UBE2U: variants seen among roughly 807,000 people sequenced by gnomAD.
UBE2U encodes ubiquitin conjugating enzyme E2 U, also known as ubiquitin-conjugating enzyme E2 U.
A neutral mutation model predicts 41.2 loss-of-function variants in UBE2U; 39 were observed. That is an observed-to-expected ratio of 0.95 (90% CI 0.73 to 1.24). UBE2U has a LOEUF of 1.24. Among genes scored for constraint, UBE2U ranks in the 50% most tolerant of loss-of-function variants. The pLI, the probability that UBE2U is intolerant of heterozygous loss-of-function variation, is 0.00. For synonymous variants in UBE2U, 107 were observed against 117.8 expected, an observed-to-expected ratio of 0.91 and a Z score of 0.60; for missense variants, 336 against 363.1, an observed-to-expected ratio of 0.93 and a Z score of 0.61.
At position 64,241,669 on chromosome 1, in the gene UBE2U, T is replaced by C. The variant is rs764923140; in HGVS notation, c.613T>C (p.Phe205Leu). ...AATTTCAGTGCTCAAAGTTCCAAAT[T>C]TCATTGGACAGTATTACAAATGGAA... ...YRTPLLKVPN[F>L]IGQYYKWKKM... The change falls in exon 8 of 10, where the codon TTC becomes CTC. Residue 205 changes from phenylalanine (F) to leucine (L), a missense_variant. By Grantham distance (22) the Phe-to-Leu change is conservative. Coordinates refer to ENST00000371077, the MANE Select transcript of UBE2U (RefSeq NM_001366232.2). 2.5e-6 allele frequency: 4 copies of C among 1,606,200 alleles called. No homozygotes were observed. The East Asian group carries it at 6.7e-5, about 27-fold the overall frequency.
At chr1:64,211,949 G>A (rs1182101334) in intron 4 of UBE2U, among the ~76,000 whole-genome samples, 2 of 152,008 alleles carry the variant, frequency 1.3e-5, no homozygotes, top group Non-Finnish European at 2.9e-5. Flanking sequence ...GCATAATTGA[G>A]TTTTTAAATA....
At chr1:64,208,523 G>C (rs760211716) in intron 3 of UBE2U, among the ~76,000 whole-genome samples, 6 of 142,686 alleles carry the variant, frequency 4.2e-5, no homozygotes, top group Non-Finnish European at 7.6e-5. Flanking sequence ...AGGATTGCTT[G>C]AGCCCAGGAG....
At position 64,203,757 on chromosome 1, in the gene UBE2U, A is replaced by T. The variant is rs1651116032; in HGVS notation, c.-294A>T. On this transcript the variant is annotated 5_prime_UTR_variant, in exon 1 of 10. Transcript: ENST00000371077. ...CGACATGGGCTTGTCTCCGTTACTC[A>T]TCCAAGTTTGTCTTGAGACTGGGCT... The T allele has an allele frequency of 3.2e-6, 1 of 311,950 alleles. No individual in the cohort carries two copies. Among genetic ancestry groups the T allele is most frequent in the Non-Finnish European group, 5.9e-6 (1 of 170,382 alleles). The allele number at this position is 311,950 out of a possible 1,614,324, so 19.3% of individuals were successfully genotyped here.
chr1:64,254,237 C>T (rs1282159566), intron 8 of UBE2U, among the ~76,000 whole-genome samples: 1 of 152,204 alleles, frequency 6.6e-6, no homozygotes, highest in East Asian at 1.9e-4. Flanking sequence ...CCACCTAATA[C>T]AGGAGCACCA....
chr1:64,245,152 A>G (rs1044065591), intron 8 of UBE2U, among the ~76,000 whole-genome samples: 2 of 152,234 alleles, frequency 1.3e-5, no homozygotes, highest in Non-Finnish European at 2.9e-5. Context: ...ATAAATATTC[A>G]TTAATCAATT....
At chr1:64,257,731 G>T (rs1645117319) in intron 8 of UBE2U, among the ~76,000 whole-genome samples, 1 of 152,086 alleles carries the variant, frequency 6.6e-6, no homozygotes, top group South Asian at 2.1e-4. Context: ...GTTTACCTAT[G>T]TAACAAACCT....
chr1:64,247,161 A>T (rs1644934568), intron 8 of UBE2U, among the ~76,000 whole-genome samples: 2 of 150,996 alleles, frequency 1.3e-5, no homozygotes, highest in Admixed American at 6.6e-5. Flanking sequence ...CTTTCAGCTG[A>T]TTTTTATGAA....
chr1:64,265,477 A>C (rs146800173), intron 9 of UBE2U, among the ~76,000 whole-genome samples: 3 of 152,344 alleles, frequency 2.0e-5, no homozygotes, highest in African/African-American at 7.2e-5. Flanking sequence ...TTACAACTAA[A>C]TATTAGTACC....
At position 64,213,253 on chromosome 1, in the gene UBE2U, T is replaced by TA. The variant is rs1168202764; in HGVS notation, c.340-1554dup. ...CTCACATTGCTTGGGTCAATTCAGA[T>TA]AAAAAAAACATTCATAGAGTTCTAA... is the stretch of plus-strand genomic sequence containing the variant. On this transcript the variant is annotated intron_variant, in intron 4 of 9. Transcript: ENST00000371077. 5.3e-5 allele frequency among the ~76,000 whole-genome samples: 8 copies of TA among 151,890 alleles called. No individual in the cohort carries two copies. The East Asian group carries it at 5.8e-4, about 11-fold the overall frequency.
In UBE2U at chr1:64,267,010, A is replaced by C; in HGVS notation, c.770-14A>C. 1.3e-6 allele frequency: 2 copies of C among 1,536,810 alleles called. No individual in the cohort carries two copies. The highest frequency in any genetic ancestry group is 1.8e-6 in the Non-Finnish European group (2 of 1,142,630). ...TGTCTATTAAATTTCTATTTTTTAT[A>C]ATTCCCACCACAGATGAAATTTTTC... On this transcript the variant is annotated splice_polypyrimidine_tract_variant and intron_variant, in intron 9 of 9. Transcript: ENST00000371077.
intron 5 of UBE2U, among the ~76,000 whole-genome samples, chr1:64,217,339 A>G (rs1253537843): frequency 6.6e-6 from 1 of 152,210 alleles, no homozygotes; most frequent in Non-Finnish European, 1.5e-5. Flanking sequence ...CAACTAGTTT[A>G]TGAAAACTCA....
intron 5 of UBE2U, among the ~76,000 whole-genome samples, chr1:64,216,306 A>T (rs1357734181): frequency 6.6e-6 from 1 of 152,092 alleles, no homozygotes; most frequent in African/African-American, 2.4e-5. Flanking sequence ...TACTCATTTT[A>T]CCCTTCTCTG....
chr1:64,240,589 C>A (rs561252146), intron 7 of UBE2U, among the ~76,000 whole-genome samples: 1 of 152,250 alleles, frequency 6.6e-6, no homozygotes, highest in East Asian at 1.9e-4. Flanking sequence ...GAGATTCTTG[C>A]TTTGTGAAGG....
rs1644838161 is a variant in UBE2U at position 64,241,722 on chromosome 1, AT to A, written c.667del (p.Trp223GlyfsTer3). On this transcript the variant is annotated frameshift_variant, in exon 8 of 10. Transcript: ENST00000371077. LOFTEE classifies it high-confidence loss of function. Reference sequence around the variant, plus strand: ...AAATGGATCTACAGCATCAGAAAGAATGGAATTTAAAGTAAGAAATATGAAG... The same window carrying A: ...AAATGGATCTACAGCATCAGAAAGAAGGAATTTAAAGTAAGAAATATGAAG... ...KKMDLQHQKE[W>X]NLKYSVIKCW... 1 of 1,608,414 alleles carries A rather than the reference AT, an allele frequency of 6.2e-7. No homozygotes were observed. The highest frequency in any genetic ancestry group is 1.3e-5 in the African/African-American group (1 of 74,736).
chr1:64,210,308 G>C lies in UBE2U; in HGVS notation c.242-434G>C, dbSNP rs528514789. Among the ~76,000 whole-genome samples, 247 of 152,276 alleles carry C rather than the reference G, an allele frequency of 1.6e-3. 5 individuals carry two copies. The highest frequency in any genetic ancestry group is 2.9e-4 in the Non-Finnish European group (20 of 68,026). ...TACATCTTTCCAACTTAACATAACA[G>C]GACAACGCTGGAGGGAGGTTGTGCC... On this transcript the variant is annotated intron_variant, in intron 3 of 9. Transcript: ENST00000371077.
At chr1:64,234,524 A>G (rs182833658) in intron 7 of UBE2U, among the ~76,000 whole-genome samples, 1 of 152,340 alleles carries the variant, frequency 6.6e-6, no homozygotes, top group Non-Finnish European at 1.5e-5. Flanking sequence ...GAGGGCAAAA[A>G]ATAGTACTAA....
At chr1:64,240,588 G>A (rs1319459567) in intron 7 of UBE2U, among the ~76,000 whole-genome samples, 1 of 152,132 alleles carries the variant, frequency 6.6e-6, no homozygotes. Context: ...GGAGATTCTT[G>A]CTTTGTGAAG....
At chr1:64,227,255 C>T (rs1464219648) in intron 6 of UBE2U, among the ~76,000 whole-genome samples, 2 of 152,072 alleles carry the variant, frequency 1.3e-5, no homozygotes, top group African/African-American at 4.8e-5. Flanking sequence ...CAACATTGTA[C>T]TGGAGGTTCT....
chr1:64,250,550 A>G (rs1185880821), intron 8 of UBE2U, among the ~76,000 whole-genome samples: 2 of 152,212 alleles, frequency 1.3e-5, no homozygotes, highest in African/African-American at 4.8e-5. Context: ...TGGCCCAGCC[A>G]TCCCATTACC....
Sources: allele counts gnomAD v4.1 joint callset (sites outside exome capture counted in the v4.1 genomes callset), GRCh38; gene constraint gnomAD v4.1.1; transcripts MANE v1.5; gene names NCBI Gene and HGNC (gene_info 2026-07-23, HGNC 2026-07-21).